MAGI2: variants seen among roughly 807,000 people sequenced by gnomAD.
The protein encoded by MAGI2 is membrane-associated guanylate kinase, WW and PDZ domain-containing protein 2.
Under a neutral mutation model 133.3 loss-of-function variants are expected in MAGI2, and 35 were observed. The ratio of observed to expected loss-of-function variants is 0.26; its 90% CI spans 0.20 to 0.35. The LOEUF (loss-of-function observed/expected upper bound fraction) is 0.35. MAGI2 is among the 10% of genes least tolerant of loss of function. MAGI2 has a pLI of 1.00. For synonymous variants in MAGI2, 729 were observed against 710.6 expected (o/e 1.03, Z -0.41); for missense variants, 1,636 against 1,863.4 (o/e 0.88, Z 2.25).
Position 78,834,955 on chromosome 7 carries a change from C to T in MAGI2, c.418+172135G>A, listed in dbSNP as rs112553064. On this transcript the variant is annotated intron_variant, in intron 2 of 21. Transcript: ENST00000354212. ...ATGCCTGAAAGCTCCCTGAGGCCTC[C>T]TCAGAAGCTGAGCAGATGCCAGCAC... is the stretch of plus-strand genomic sequence containing the variant. 3.0e-3 allele frequency among the ~76,000 whole-genome samples: 460 copies of T among 152,254 alleles called. 1 individual carries two copies. Among genetic ancestry groups the T allele is most frequent in the Middle Eastern group, 6.8e-3 (2 of 294 alleles).
intron 21 of MAGI2, among the ~76,000 whole-genome samples, chr7:78,065,379 G>A (rs1438562598): frequency 3.3e-5 from 5 of 152,026 alleles, no homozygotes; most frequent in African/African-American, 4.8e-5. Flanking sequence ...GCTAGAATGC[G>A]GTGCATCTCA....
intron 21 of MAGI2, among the ~76,000 whole-genome samples, chr7:78,061,161 CA>C (rs58941684): frequency 0.062 from 6,009 of 97,576 alleles, 245 homozygotes; most frequent in East Asian, 0.17. Flanking sequence ...AAGACTGTCT[CA>C]AAAAAAAAAA....
At chr7:78,645,856 G>A (rs1324486705) in intron 2 of MAGI2, among the ~76,000 whole-genome samples, 3 of 151,046 alleles carry the variant, frequency 2.0e-5, no homozygotes, top group African/African-American at 7.3e-5. Flanking sequence ...CTCATGCCTC[G>A]GCCACCCAAG....
intron 10 of MAGI2, among the ~76,000 whole-genome samples, chr7:78,207,519 ATG>A (rs921558742): frequency 6.6e-5 from 10 of 152,338 alleles, no homozygotes; most frequent in Non-Finnish European, 1.2e-4. Context: ...CCTTTGGTAA[ATG>A]TAAGCCAGCA....
rs1475279695 is a variant in MAGI2, at chr7:78,017,108, T to C, written c.*2207A>G. The stretch of plus-strand genomic sequence containing the variant: ...ATATATATTTTATTTGACAGTGTTT[T>C]AGAATATCATACAGTAAACAAGATT... On this transcript the variant is annotated 3_prime_UTR_variant, in exon 22 of 22. Coordinates refer to ENST00000354212, the MANE Select transcript of MAGI2 (RefSeq NM_012301.4). 1.3e-5 allele frequency: 2 copies of C among 152,692 alleles called. No individual in the cohort carries two copies. Among genetic ancestry groups the C allele is most frequent in the South Asian group, 2.1e-4 (1 of 4,836 alleles). 9.5% of individuals were successfully genotyped at this position (152,692 alleles called of 1,614,324 possible). A position where few individuals can be genotyped will look rare whatever the true frequency, so the allele number is the denominator to read the frequency against.
intron 9 of MAGI2, among the ~76,000 whole-genome samples, chr7:78,286,182 A>G (rs181727191): frequency 1.3e-5 from 2 of 152,184 alleles, no homozygotes; most frequent in East Asian, 3.9e-4. Flanking sequence ...GCTCCTTTCA[A>G]TACTAAATTT....
At chr7:78,177,803 T>C (rs1403900569) in intron 14 of MAGI2, among the ~76,000 whole-genome samples, 2 of 152,180 alleles carry the variant, frequency 1.3e-5, no homozygotes, top group African/African-American at 4.8e-5. Flanking sequence ...TTGAATGTGA[T>C]TTCTAAAGAG....
At chr7:78,973,008 A>T (rs1262508189) in intron 2 of MAGI2, among the ~76,000 whole-genome samples, 5 of 151,674 alleles carry the variant, frequency 3.3e-5, no homozygotes, top group South Asian at 2.1e-4. Flanking sequence ...CTATATATTT[A>T]TCATTTCCCT....
At chr7:78,123,284 G>A (rs1436260656) in intron 20 of MAGI2, among the ~76,000 whole-genome samples, 3 of 152,072 alleles carry the variant, frequency 2.0e-5, no homozygotes. Context: ...TTGATAAAGT[G>A]AATATAGTAG....
At chr7:79,266,849 T>C (rs1440319874) in intron 1 of MAGI2, among the ~76,000 whole-genome samples, 14 of 152,180 alleles carry the variant, frequency 9.2e-5, no homozygotes, top group Admixed American at 9.2e-4. Flanking sequence ...AAACAATGCT[T>C]TGGTTCCCTA....
At chr7:78,520,730 T>A (rs2150582952) in intron 4 of MAGI2, among the ~76,000 whole-genome samples, 1 of 152,240 alleles carries the variant, frequency 6.6e-6, no homozygotes, top group African/African-American at 2.4e-5. Flanking sequence ...AAAATGCAAA[T>A]CCATACTTTG....
chr7:79,058,602 T>C (rs1338527167), intron 1 of MAGI2, among the ~76,000 whole-genome samples: 3 of 152,122 alleles, frequency 2.0e-5, no homozygotes, highest in Non-Finnish European at 2.9e-5. Flanking sequence ...TATATTATAG[T>C]TTTGTTATTA....
chr7:78,624,151 C>T (rs1320020113), intron 3 of MAGI2, among the ~76,000 whole-genome samples: 1 of 151,780 alleles, frequency 6.6e-6, no homozygotes, highest in African/African-American at 2.4e-5. Flanking sequence ...ATGTCATTTG[C>T]CCACTTTTTA....
At chr7:79,207,564 CAAAT>C (rs1829160280) in intron 1 of MAGI2, among the ~76,000 whole-genome samples, 1 of 151,630 alleles carries the variant, frequency 6.6e-6, no homozygotes, top group Admixed American at 6.6e-5. Context: ...ATTGAAGACA[CAAAT>C]AAATAAAATG....
At chr7:78,402,226 GTGTGTA>G (rs1207608419) in intron 6 of MAGI2, among the ~76,000 whole-genome samples, 1 of 151,216 alleles carries the variant, frequency 6.6e-6, no homozygotes, top group East Asian at 1.9e-4. Context: ...TCCACCTGAG[GTGTGTA>G]TGTGTGTCTG....
chr7:78,962,621 A>C (rs539672429), intron 2 of MAGI2, among the ~76,000 whole-genome samples: 15 of 152,128 alleles, frequency 9.9e-5, no homozygotes, highest in Middle Eastern at 3.4e-3. Context: ...TGTAGAAAAA[A>C]AAAAGATTCT....
chr7:79,426,644 A>C (rs1847390693), intron 1 of MAGI2, among the ~76,000 whole-genome samples: 2 of 152,206 alleles, frequency 1.3e-5, no homozygotes, highest in African/African-American at 4.8e-5. Context: ...TTTATATCCT[A>C]TCTCTACAAA....
intron 10 of MAGI2, among the ~76,000 whole-genome samples, chr7:78,225,978 C>T (rs1789333955): frequency 6.6e-6 from 1 of 152,150 alleles, no homozygotes; most frequent in Non-Finnish European, 1.5e-5. Context: ...CAAACAATCT[C>T]TGGCAAAGAC....
At chr7:78,482,156 T>C (rs369966569) in intron 6 of MAGI2, among the ~76,000 whole-genome samples, 163 of 152,042 alleles carry the variant, frequency 1.1e-3, no homozygotes, top group African/African-American at 3.7e-3. Context: ...ATGTGCAATA[T>C]CATTAGCAAT....
Sources: gnomAD v4.1 joint callset for allele counts (sites outside exome capture counted in the v4.1 genomes callset) on GRCh38, gnomAD v4.1.1 for gene constraint, MANE v1.5 for transcripts, NCBI Gene and HGNC (gene_info 2026-07-23, HGNC 2026-07-21) for gene names.